CCSER1: variants seen among roughly 807,000 people sequenced by gnomAD.
CCSER1 encodes the protein coiled-coil serine rich protein 1, also known as serine-rich coiled-coil domain-containing protein 1.
CCSER1 carries 41 observed loss-of-function variants against 82.0 expected under a neutral mutation model. The observed-to-expected ratio is 0.50, with a 90% CI of 0.39 to 0.65. The LOEUF (loss-of-function observed/expected upper bound fraction) is 0.65, where lower values mean the gene tolerates loss of function less well. Among genes scored for constraint, CCSER1 ranks in the 30% least tolerant of loss-of-function variants. The probability of loss-of-function intolerance (pLI) is 0.00; values close to 1 mark genes in which losing one functional copy is unlikely to be tolerated. For synonymous variants in CCSER1, 414 were observed against 383.9 expected, an observed-to-expected ratio of 1.08 and a Z score of -0.92; for missense variants, 1,119 against 1,064.2, an observed-to-expected ratio of 1.05 and a Z score of -0.72.
chr4:90,414,013 T>TATATATATATATATATATATA (rs1755422871), intron 4 of CCSER1, among the ~76,000 whole-genome samples: 2 of 121,300 alleles, frequency 1.6e-5, no homozygotes, highest in African/African-American at 3.1e-5. Context: ...TATATATATC[T>TATATATATATATATATATATA]TCTTCCTAAA....
At chr4:90,494,860 A>AT (rs34116226) in intron 5 of CCSER1, among the ~76,000 whole-genome samples, 33,532 of 150,466 alleles carry the variant, frequency 0.22, 4,900 homozygotes, top group African/African-American at 0.41. Context: ...CCTGGGGTAG[A>AT]TTTTTTTTTT....
intron 5 of CCSER1, among the ~76,000 whole-genome samples, chr4:90,489,303 G>T (rs565274728): frequency 6.6e-6 from 1 of 152,068 alleles, no homozygotes; most frequent in South Asian, 2.1e-4. Context: ...TAGTATCTTA[G>T]ATACCAATCT....
At chr4:90,310,997 G>T (rs957204192) in intron 2 of CCSER1, among the ~76,000 whole-genome samples, 3 of 151,908 alleles carry the variant, frequency 2.0e-5, no homozygotes, top group Non-Finnish European at 2.9e-5. Flanking sequence ...ATATAATCAT[G>T]AGAATATGAT....
At chr4:90,398,568 G>A (rs1752367067) in intron 3 of CCSER1, among the ~76,000 whole-genome samples, 1 of 144,958 alleles carries the variant, frequency 6.9e-6, no homozygotes, top group African/African-American at 2.9e-5. Context: ...ATTATGTTTT[G>A]TTGTTGTTGT....
intron 9 of CCSER1, among the ~76,000 whole-genome samples, chr4:91,002,009 T>C (rs980615316): frequency 3.3e-5 from 5 of 152,222 alleles, no homozygotes; most frequent in African/African-American, 9.6e-5. Flanking sequence ...TTTTCATTTA[T>C]GAAGCTTAGT....
intron 10 of CCSER1, among the ~76,000 whole-genome samples, chr4:91,393,122 A>G (rs750751431): frequency 6.6e-6 from 1 of 152,024 alleles, no homozygotes. Context: ...CATGAATAGG[A>G]CTGACAGCCT....
At position 91,468,624 on chromosome 4, in the gene CCSER1, T is replaced by G. The variant is rs540439987; in HGVS notation, c.2218-129948T>G. Among the ~76,000 whole-genome samples the G allele has an allele frequency of 3.3e-5, 5 of 152,216 alleles. No individual in the cohort carries two copies. In the South Asian group the frequency reaches 1.0e-3, roughly 31 times the overall value. On this transcript the variant is annotated intron_variant, in intron 10 of 10. Coordinates refer to ENST00000509176, the MANE Select transcript of CCSER1 (RefSeq NM_001145065.2). ...TTAGTAATCCAACAAATAAGGATGA[T>G]TTTTTGCAAATTTTGGTTGTATATG...
chr4:90,831,711 T>C (rs1444364738), intron 8 of CCSER1, among the ~76,000 whole-genome samples: 1 of 152,158 alleles, frequency 6.6e-6, no homozygotes, highest in African/African-American at 2.4e-5. Flanking sequence ...AGAATGTTCA[T>C]TACTTGCATA....
chr4:91,436,167 A>G (rs1321113732), intron 10 of CCSER1, among the ~76,000 whole-genome samples: 1 of 151,784 alleles, frequency 6.6e-6, no homozygotes, highest in Non-Finnish European at 1.5e-5. Flanking sequence ...TTTTGCACCA[A>G]CCTAATAAGA....
rs572809327 is a variant in CCSER1, at chr4:90,593,087, G to C, written c.1725-34938G>C. On this transcript the variant is annotated intron_variant, in intron 5 of 10. Transcript: ENST00000509176. ...AGAGTATAATAACTTAAAAAATATAGACAGCTATTATTAATGCTTGCAAAA... is the reference window on the plus strand; with the variant it reads ...AGAGTATAATAACTTAAAAAATATACACAGCTATTATTAATGCTTGCAAAA... 3.9e-5 allele frequency among the ~76,000 whole-genome samples: 6 copies of C among 152,132 alleles called. No homozygotes were observed. In the East Asian group the frequency reaches 9.7e-4, roughly 25 times the overall value.
intron 4 of CCSER1, among the ~76,000 whole-genome samples, chr4:90,436,494 C>T (rs767872106): frequency 2.6e-5 from 4 of 152,072 alleles, no homozygotes; most frequent in Non-Finnish European, 5.9e-5. Context: ...AACCTCAAAG[C>T]AGAGCAATAA....
intron 5 of CCSER1, among the ~76,000 whole-genome samples, chr4:90,507,035 T>G (rs1227955451): frequency 6.6e-6 from 1 of 152,204 alleles, no homozygotes; most frequent in African/African-American, 2.4e-5. Flanking sequence ...TACTATCTTT[T>G]ATTCAAAATT....
At chr4:90,768,602 T>C (rs7658990) in intron 7 of CCSER1, among the ~76,000 whole-genome samples, 89,632 of 151,990 alleles carry the variant, frequency 0.59, 26,616 homozygotes, top group African/African-American at 0.65. Flanking sequence ...GGAGCTATTG[T>C]TACATGTCTC....
rs70965460 is a variant in CCSER1, at chr4:90,943,729, A to ATTTTTTTTTTTTTTTT, written c.2172+20296_2172+20311dup. Among the ~76,000 whole-genome samples, 199 of 68,882 alleles carry ATTTTTTTTTTTTTTTT rather than the reference A, an allele frequency of 2.9e-3. 22 individuals are homozygous for ATTTTTTTTTTTTTTTT. Among genetic ancestry groups the ATTTTTTTTTTTTTTTT allele is most frequent in the East Asian group, 0.012 (23 of 1,928 alleles). The allele number at this position is 68,882 out of a possible 152,430, so 45.2% of individuals were successfully genotyped here. On this transcript the variant is annotated intron_variant, in intron 9 of 10. Transcript: ENST00000509176. ...AAACATGAGCCACTGTGCCAGGCTA[A>ATTTTTTTTTTTTTTTT]TTTTTTTTTTTTTTTTTTTTTTTTT...
At chr4:90,248,210 G>A (rs191584602) in intron 1 of CCSER1, among the ~76,000 whole-genome samples, 17 of 152,242 alleles carry the variant, frequency 1.1e-4, no homozygotes, top group African/African-American at 3.6e-4. Context: ...ACTGGCAGAA[G>A]GACCTTGTCT....
At chr4:90,892,172 A>C (rs1580959631) in intron 8 of CCSER1, among the ~76,000 whole-genome samples, 1 of 152,206 alleles carries the variant, frequency 6.6e-6, no homozygotes, top group South Asian at 2.1e-4. Flanking sequence ...TCTGAAGTTG[A>C]GAATTGCTAC....
intron 8 of CCSER1, among the ~76,000 whole-genome samples, chr4:90,905,872 T>C (rs1005860429): frequency 6.6e-6 from 1 of 152,164 alleles, no homozygotes; most frequent in Non-Finnish European, 1.5e-5. Context: ...GTCGCATAAC[T>C]AGTTTTGTTT....
chr4:91,153,958 G>A (rs1730533235), intron 10 of CCSER1, among the ~76,000 whole-genome samples: 1 of 152,028 alleles, frequency 6.6e-6, no homozygotes, highest in South Asian at 2.1e-4. Flanking sequence ...TCATGGGTCA[G>A]GGACCCACTT....
At chr4:91,339,664 A>G (rs920492214) in intron 10 of CCSER1, among the ~76,000 whole-genome samples, 7 of 152,118 alleles carry the variant, frequency 4.6e-5, no homozygotes, top group African/African-American at 1.7e-4. Context: ...CCTCAGAATA[A>G]TACTCATGAT....
Sources: gnomAD v4.1 joint callset for allele counts (sites outside exome capture counted in the v4.1 genomes callset) on GRCh38, gnomAD v4.1.1 for gene constraint, MANE v1.5 for transcripts, NCBI Gene and HGNC (gene_info 2026-07-23, HGNC 2026-07-21) for gene names.